CLEC2A: variants seen among roughly 807,000 people sequenced by gnomAD.
CLEC2A encodes C-type lectin domain family 2 member A.
CLEC2A carries 19 observed loss-of-function variants against 18.6 expected under a neutral mutation model. That is an observed-to-expected ratio of 1.02 (90% CI 0.71 to 1.50). The LOEUF is 1.50. Ranked by LOEUF, CLEC2A falls within the 40% of genes most tolerant of loss-of-function variation. The pLI, the probability that CLEC2A is intolerant of heterozygous loss-of-function variation, is 0.00. For synonymous variants in CLEC2A, 74 were observed against 64.0 expected, an observed-to-expected ratio of 1.16 and a Z score of -0.75; for missense variants, 190 against 207.9, an observed-to-expected ratio of 0.91 and a Z score of 0.53.
chr12:9,909,732 A>G (rs1862955839), downstream of CLEC2A, among the ~76,000 whole-genome samples: 1 of 152,058 alleles, frequency 6.6e-6, no homozygotes, highest in African/African-American at 2.4e-5. Context: ...GTCCTTTTAG[A>G]GAAGAGTATT....
chr12:9,898,122 A>G (rs1862777343), downstream of CLEC2A, among the ~76,000 whole-genome samples: 1 of 152,254 alleles, frequency 6.6e-6, no homozygotes, highest in South Asian at 2.1e-4. Context: ...TTTATCAAAC[A>G]TAGTTAATCC....
intron 4 of CLEC2A, among the ~76,000 whole-genome samples, chr12:9,902,233 A>ATTT (rs3994065): frequency 9.3e-4 from 123 of 132,562 alleles, no homozygotes; most frequent in African/African-American, 2.1e-3. Context: ...AAGGTTTGCC[A>ATTT]TTTTTTTTTT....
the CLEC2A span, among the ~76,000 whole-genome samples, chr12:9,887,777 C>T: frequency 8.0e-3 from 1,155 of 145,224 alleles, 14 homozygotes; most frequent in African/African-American, 0.028. Flanking sequence ...CAAGACTAGG[C>T]GTTGGAGCTC....
chr12:9,910,520 C>G (rs1314371053), downstream of CLEC2A, among the ~76,000 whole-genome samples: 1 of 152,158 alleles, frequency 6.6e-6, no homozygotes, highest in Non-Finnish European at 1.5e-5. Flanking sequence ...TCTTGCCTTT[C>G]TTCTCCTAGA....
intron 4 of CLEC2A, 54 bp downstream of exon 4, chr12:9,916,646 A>G (rs1863076039): frequency 1.7e-6 from 2 of 1,153,846 alleles, no homozygotes; most frequent in Non-Finnish European, 2.5e-6. Context: ...ATGATTTAAA[A>G]TTTTTCATAT....
the CLEC2A span, among the ~76,000 whole-genome samples, chr12:9,886,575 G>T: frequency 6.6e-6 from 1 of 152,008 alleles, no homozygotes; most frequent in African/African-American, 2.4e-5. Flanking sequence ...GTAAATGGAG[G>T]TCTAAAACAA....
chr12:9,892,662 G>A, the CLEC2A span, among the ~76,000 whole-genome samples: 11 of 131,732 alleles, frequency 8.4e-5, no homozygotes, highest in African/African-American at 1.7e-4. Flanking sequence ...ACGGCTCACC[G>A]CAACCTCCAC....
At chr12:9,888,929 T>C in the CLEC2A span, 9 of 490,072 alleles carry the variant, frequency 1.8e-5, no homozygotes, top group African/African-American at 3.8e-5. Context: ...TCTTCCTCAG[T>C]GCCATTGCTG....
the CLEC2A span, among the ~76,000 whole-genome samples, chr12:9,892,548 G>A: frequency 6.7e-6 from 1 of 149,954 alleles, no homozygotes; most frequent in Non-Finnish European, 1.5e-5. Context: ...GAAATACACA[G>A]GTTAGTAAAT....
intron 4 of CLEC2A, among the ~76,000 whole-genome samples, chr12:9,899,899 A>G (rs1011087591): frequency 2.6e-5 from 4 of 152,124 alleles, no homozygotes; most frequent in Non-Finnish European, 5.9e-5. Flanking sequence ...TTTCTTTCCT[A>G]GGGCTTTGAC....
chr12:9,928,744 A>C (rs1248506827), intron 1 of CLEC2A, among the ~76,000 whole-genome samples: 1 of 152,224 alleles, frequency 6.6e-6, no homozygotes, highest in Non-Finnish European at 1.5e-5. Context: ...CACATAAAAG[A>C]TGTTCCATAT....
At chr12:9,894,119 CT>C (rs758422634), downstream of CLEC2A, among the ~76,000 whole-genome samples, 3 of 95,184 alleles carry the variant, frequency 3.2e-5, no homozygotes, top group African/African-American at 4.5e-5. Flanking sequence ...CTTTTTCTTT[CT>C]TTTCTTTCTC....
chr12:9,917,642 A>T (rs182517544), intron 3 of CLEC2A, among the ~76,000 whole-genome samples: 30 of 151,454 alleles, frequency 2.0e-4, no homozygotes, highest in Admixed American at 3.9e-4. Context: ...CACCACCGCA[A>T]CCATTGTTGT....
intron 3 of CLEC2A, among the ~76,000 whole-genome samples, chr12:9,918,496 CTG>C (rs1392739001): frequency 1.3e-5 from 2 of 152,230 alleles, no homozygotes; most frequent in Non-Finnish European, 2.9e-5. Context: ...GTTTTGGTTA[CTG>C]TAGCCCTGTA....
chr12:9,903,505 G>A (rs1862864772), intron 4 of CLEC2A, among the ~76,000 whole-genome samples: 1 of 152,178 alleles, frequency 6.6e-6, no homozygotes, highest in East Asian at 1.9e-4. Context: ...AAAACAGGAA[G>A]ACATTGTGAT....
the CLEC2A span, chr12:9,881,459 T>C: frequency 6.0e-5 from 36 of 600,302 alleles, no homozygotes; most frequent in African/African-American, 4.4e-4. Flanking sequence ...TGTGTCTGAG[T>C]AAATTTTGAC....
the CLEC2A span, among the ~76,000 whole-genome samples, chr12:9,880,570 A>C: frequency 6.6e-6 from 1 of 152,062 alleles, no homozygotes; most frequent in Non-Finnish European, 1.5e-5. Flanking sequence ...ATATATATAA[A>C]ATAAGGAATG....
chr12:9,929,748 T>C (rs1415363924), intron 1 of CLEC2A, among the ~76,000 whole-genome samples: 1 of 148,234 alleles, frequency 6.7e-6, no homozygotes, highest in African/African-American at 2.4e-5. Context: ...AATCAAAAAG[T>C]CTATTAAATC....
In CLEC2A at chr12:9,932,155, C is replaced by T. The variant is rs568955578; in HGVS notation, c.55+120G>A. 43 of 717,178 alleles carry T rather than the reference C, an allele frequency of 6.0e-5. No individual in the cohort carries two copies. In the South Asian group the frequency reaches 7.1e-4, roughly 12 times the overall value. 44.4% of individuals were successfully genotyped at this position (717,178 alleles called of 1,614,324 possible). A position where few individuals can be genotyped will look rare whatever the true frequency, so the allele number is the denominator to read the frequency against. The stretch of plus-strand genomic sequence containing the variant: ...TTCCACAATTCTCCGGAAGTGCTTC[C>T]CCATCCCTCACTTACTTTAGTAGAC... On this transcript the variant is annotated intron_variant, in intron 1 of 4. Coordinates refer to ENST00000455827, the MANE Select transcript of CLEC2A (RefSeq NM_001130711.2).
Sources: allele counts gnomAD v4.1 joint callset (sites outside exome capture counted in the v4.1 genomes callset), GRCh38; gene constraint gnomAD v4.1.1; transcripts MANE v1.5; gene names NCBI Gene and HGNC (gene_info 2026-07-23, HGNC 2026-07-21).